ZNF420: variants seen among roughly 807,000 people sequenced by gnomAD.
ZNF420 encodes the protein zinc finger protein 420.
In ZNF420, 31 loss-of-function variants were observed where a neutral mutation model predicts 44.7. The observed-to-expected ratio is 0.69, with a 90% CI of 0.52 to 0.94. ZNF420 has a LOEUF of 0.94. Among genes scored for constraint, ZNF420 ranks in the 40% least tolerant of loss-of-function variants. The probability of loss-of-function intolerance (pLI) is 0.00; values close to 1 mark genes in which losing one functional copy is unlikely to be tolerated. For missense variants in ZNF420, 681 were observed against 827.9 expected (o/e 0.82, Z 2.18); for synonymous variants, 245 against 267.4 (o/e 0.92, Z 0.82).
In ZNF420 at chr19:37,023,755, A is replaced by G. The variant is rs1470907058; in HGVS notation, c.-125+15673A>G. Among the ~76,000 whole-genome samples the G allele has an allele frequency of 2.6e-5, 4 of 152,210 alleles. No individual in the cohort carries two copies. In the East Asian group the frequency reaches 7.7e-4, roughly 29 times the overall value. On this transcript the variant is annotated intron_variant, in intron 1 of 4. Coordinates refer to the ZNF420 transcript ENST00000587029. Reference sequence around the variant, plus strand: ...TGGGTTCAGAGCTAAAAAATGACACATTACTGACATTTTGAAAAGTTCACA... The same window carrying G: ...TGGGTTCAGAGCTAAAAAATGACACGTTACTGACATTTTGAAAAGTTCACA...
intron 1 of ZNF420, among the ~76,000 whole-genome samples, chr19:37,022,109 G>C (rs965847806): frequency 6.6e-6 from 1 of 151,560 alleles, no homozygotes; most frequent in Non-Finnish European, 1.5e-5. Flanking sequence ...TTTTTGGGGA[G>C]ATGGACTCAT....
At position 37,091,422 on chromosome 19, in the gene ZNF420, C is replaced by T. The variant is rs763451278; in HGVS notation, c.136+301C>T. 5.5e-5 allele frequency: 10 copies of T among 183,052 alleles called. No homozygotes were observed. The South Asian group carries it at 7.9e-4, about 15-fold the overall frequency. The allele number at this position is 183,052 out of a possible 1,614,324, so 11.3% of individuals were successfully genotyped here. ...GCCTATACATTGTTACACTTTAGAT[C>T]TGCTAAAGGAGCTCTAAATAATTCA... On this transcript the variant is annotated intron_variant, in intron 4 of 4. Transcript: ENST00000337995.
chr19:37,104,120 T>C (rs1969939053), intron 4 of ZNF420, among the ~76,000 whole-genome samples: 1 of 151,924 alleles, frequency 6.6e-6, no homozygotes, highest in Non-Finnish European at 1.5e-5. Flanking sequence ...CCTAATGCTA[T>C]TCCTCCCCCC....
intron 4 of ZNF420, among the ~76,000 whole-genome samples, chr19:37,094,761 C>T (rs1341772605): frequency 2.0e-5 from 3 of 152,100 alleles, no homozygotes; most frequent in Non-Finnish European, 2.9e-5. Flanking sequence ...TTTATTGTCA[C>T]AGAATTCTTA....
chr19:37,013,041 C>T (rs2074584050), intron 1 of ZNF420, among the ~76,000 whole-genome samples: 1 of 152,036 alleles, frequency 6.6e-6, no homozygotes, highest in Non-Finnish European at 1.5e-5. Flanking sequence ...TTGTGAAAGC[C>T]TCGGCAACAT....
intron 1 of ZNF420, among the ~76,000 whole-genome samples, chr19:37,047,541 A>T (rs753609972): frequency 6.6e-6 from 1 of 152,228 alleles, no homozygotes; most frequent in Non-Finnish European, 1.5e-5. Context: ...GTATTTTGTT[A>T]TATAGTAGCA....
At chr19:37,061,821 A>G (rs956785993) in intron 1 of ZNF420, among the ~76,000 whole-genome samples, 1 of 152,224 alleles carries the variant, frequency 6.6e-6, no homozygotes, top group Non-Finnish European at 1.5e-5. Flanking sequence ...TTACAGAAAC[A>G]ATACACGTAA....
At chr19:37,104,845 A>T (rs961598926) in intron 4 of ZNF420, among the ~76,000 whole-genome samples, 2 of 152,026 alleles carry the variant, frequency 1.3e-5, no homozygotes, top group Non-Finnish European at 2.9e-5. Context: ...CGACTTTTTG[A>T]TGGGGTTGTT....
chr19:37,064,271 A>C (rs1967928988), intron 1 of ZNF420, among the ~76,000 whole-genome samples: 1 of 152,218 alleles, frequency 6.6e-6, no homozygotes, highest in Non-Finnish European at 1.5e-5. Context: ...TAAACACACC[A>C]TTCTTCATCA....
chr19:37,119,066 C>T (rs1477201440), intron 4 of ZNF420, among the ~76,000 whole-genome samples: 1 of 152,160 alleles, frequency 6.6e-6, no homozygotes, highest in Non-Finnish European at 1.5e-5. Flanking sequence ...ATCAGCAAGA[C>T]AGAAAGTTAA....
intron 1 of ZNF420, among the ~76,000 whole-genome samples, chr19:37,030,158 G>A (rs1967231232): frequency 2.6e-5 from 4 of 151,924 alleles, no homozygotes; most frequent in Non-Finnish European, 5.9e-5. Context: ...TGTTTTTGTT[G>A]TTGTTGTTGT....
At position 37,128,544 on chromosome 19, in the gene ZNF420, T is replaced by C. The variant is rs1490687542; in HGVS notation, c.1553T>C (p.Leu518Pro). The C allele has an allele frequency of 1.5e-5, 25 of 1,613,932 alleles. No individual in the cohort carries two copies. Among genetic ancestry groups the C allele is most frequent in the Non-Finnish European group, 2.0e-5 (24 of 1,179,926 alleles). ...CRMAFTQSSH[L>P]SQHQRLHTGE... ...ATGGCCTTTACTCAGAGTTCACATC[T>C]TTCCCAACATCAAAGACTTCACACT... The change falls in exon 5 of 5, where the codon CTT becomes CCT. Residue 518 changes from leucine to proline, a missense_variant. Leu to Pro is a moderately conservative substitution (Grantham distance 98, BLOSUM62 -3). Around this residue, in one of 3 missense-constraint regions of ZNF420, gnomAD observed 280 missense variants for 338.6 expected, o/e 0.83. Transcript: ENST00000337995.
At chr19:37,040,072 C>A (rs537937490) in intron 1 of ZNF420, among the ~76,000 whole-genome samples, 1 of 152,250 alleles carries the variant, frequency 6.6e-6, no homozygotes, top group East Asian at 1.9e-4. Context: ...TCCTCTCTAT[C>A]CAAAGTCCTG....
chr19:37,116,629 T>C (rs10413934), intron 4 of ZNF420, among the ~76,000 whole-genome samples: 84,907 of 151,538 alleles, frequency 0.56, 25,303 homozygotes, highest in African/African-American at 0.76. Flanking sequence ...TGCAGCACAC[T>C]GTGTGCGAGC....
In ZNF420 at chr19:37,010,476, A is replaced by G. The variant is rs141825411; in HGVS notation, c.-125+2394A>G. On this transcript the variant is annotated intron_variant, in intron 1 of 4. Coordinates refer to the ZNF420 transcript ENST00000587029. ...GCAGCCTCAGGGGTTGCCTGGGGCT[A>G]TGTGTTTCTGTGCCACTGCTCTATG... Among the ~76,000 whole-genome samples, 647 of 152,030 alleles carry G rather than the reference A, an allele frequency of 4.3e-3. 3 individuals are homozygous for G. Among genetic ancestry groups the G allele is most frequent in the African/African-American group, 0.015 (603 of 41,474 alleles).
At position 37,129,257 on chromosome 19, in the gene ZNF420, TA is replaced by T. The variant is rs1400277136; in HGVS notation, c.*200del. ...TATTAAACATTAGCAAATTGGAGAA[TA>T]GTTTTAATATAGTAAATGTAGGAAG... is the stretch of plus-strand genomic sequence containing the variant. On this transcript the variant is annotated 3_prime_UTR_variant, in exon 5 of 5. Transcript: ENST00000337995. The T allele has an allele frequency of 4.8e-6, 3 of 625,682 alleles. No individual in the cohort carries two copies. The East Asian group carries it at 8.4e-5, about 18-fold the overall frequency. The allele number at this position is 625,682 out of a possible 1,614,324, so 38.8% of individuals were successfully genotyped here.
At chr19:37,015,806 C>G (rs1055827598) in intron 1 of ZNF420, among the ~76,000 whole-genome samples, 3 of 152,188 alleles carry the variant, frequency 2.0e-5, no homozygotes, top group Non-Finnish European at 2.9e-5. Context: ...CAAACTGTGG[C>G]CTTTCTGGCC....
intron 4 of ZNF420, among the ~76,000 whole-genome samples, chr19:37,094,859 G>A (rs1007325783): frequency 3.9e-5 from 6 of 152,238 alleles, no homozygotes; most frequent in South Asian, 4.1e-4. Flanking sequence ...AAGGCCAGGC[G>A]CGGTGGCTCA....
At chr19:37,013,762 G>A (rs1376091929) in intron 1 of ZNF420, among the ~76,000 whole-genome samples, 1 of 152,268 alleles carries the variant, frequency 6.6e-6, no homozygotes. Context: ...CTCCTTGGAC[G>A]GAGCAATGGC....
Sources: gnomAD v4.1 joint callset for allele counts (sites outside exome capture counted in the v4.1 genomes callset) on GRCh38, gnomAD v4.1.1 for gene constraint, gnomAD v4.1.1 regional missense constraint, MANE v1.5 for transcripts, NCBI Gene and HGNC (gene_info 2026-07-23, HGNC 2026-07-21) for gene names.